The following SLC1A2 variants were observed in gnomAD, a reference collection of about 807,000 sequenced individuals.
SLC1A2 encodes the protein solute carrier family 1 member 2.
SLC1A2 carries 15 observed loss-of-function variants against 48.8 expected under a neutral mutation model. The observed-to-expected ratio is 0.31, with a 90% CI of 0.21 to 0.47. The LOEUF (loss-of-function observed/expected upper bound fraction) is 0.47. Ranked by LOEUF, SLC1A2 falls within the 20% of genes least tolerant of loss-of-function variation. The pLI, the probability that SLC1A2 is intolerant of heterozygous loss-of-function variation, is 0.99. For missense variants in SLC1A2, 502 were observed against 730.5 expected, an observed-to-expected ratio of 0.69 and a Z score of 3.61; for synonymous variants, 279 against 272.6, an observed-to-expected ratio of 1.02 and a Z score of -0.23.
intron 1 of SLC1A2, among the ~76,000 whole-genome samples, chr11:35,372,868 C>A (rs1854102624): frequency 6.6e-6 from 1 of 152,084 alleles, no homozygotes; most frequent in Admixed American, 6.5e-5. Flanking sequence ...TCATTTAATC[C>A]TTAAAATAAG....
intron 1 of SLC1A2, among the ~76,000 whole-genome samples, chr11:35,384,457 T>C (rs1467035486): frequency 1.3e-5 from 2 of 152,192 alleles, no homozygotes; most frequent in African/African-American, 4.8e-5. Flanking sequence ...TACTCCTTCT[T>C]GAATAAGGAA....
chr11:35,276,184 A>C (rs1850433655), intron 9 of SLC1A2, among the ~76,000 whole-genome samples: 1 of 152,134 alleles, frequency 6.6e-6, no homozygotes, highest in Non-Finnish European at 1.5e-5. Flanking sequence ...CTGATATGTT[A>C]TTGCCCCATT....
At chr11:35,350,195 A>G (rs990291598) in intron 1 of SLC1A2, among the ~76,000 whole-genome samples, 3 of 152,222 alleles carry the variant, frequency 2.0e-5, no homozygotes, top group African/African-American at 7.2e-5. Flanking sequence ...AACTTAAACA[A>G]CAAGAAGACA....
At chr11:35,404,534 A>T (rs1187967333) in intron 1 of SLC1A2, 1 of 152,238 alleles carries the variant, frequency 6.6e-6, no homozygotes, top group Non-Finnish European at 1.5e-5. Context: ...CTTGGAATGT[A>T]AACAAAGTGG....
intron 1 of SLC1A2, chr11:35,371,054 A>G (rs1885345): frequency 0.76 from 752,861 of 984,178 alleles, 289,514 homozygotes; most frequent in East Asian, 0.95. Flanking sequence ...TTGCAGAGAC[A>G]ATGGGTGGAG....
intron 9 of SLC1A2, among the ~76,000 whole-genome samples, chr11:35,279,928 A>C (rs1328273692): frequency 6.6e-6 from 1 of 152,182 alleles, no homozygotes; most frequent in African/African-American, 2.4e-5. Flanking sequence ...GCCTCTCTCT[A>C]TCACTATGCT....
intron 1 of SLC1A2, among the ~76,000 whole-genome samples, chr11:35,364,946 T>A (rs1288436981): frequency 6.6e-6 from 1 of 152,176 alleles, no homozygotes; most frequent in African/African-American, 2.4e-5. Context: ...AAGAAGTCCA[T>A]ACCTGGTGGA....
At chr11:35,286,562 CA>C (rs1235164846) in intron 8 of SLC1A2, 194 bp downstream of exon 8, 4 of 456,368 alleles carry the variant, frequency 8.8e-6, no homozygotes, top group African/African-American at 2.0e-5. Flanking sequence ...GCAATACAAA[CA>C]GGAGGTATTA....
upstream of SLC1A2, chr11:35,419,713 C>G (rs1451733859): frequency 5.7e-6 from 1 of 174,726 alleles, no homozygotes; most frequent in African/African-American, 2.4e-5. The surrounding 1 kb of genome is among the most constrained non-coding windows in gnomAD (Gnocchi z 5.4). Context: ...CTTGGGCAGC[C>G]GGTGGCAGGA....
At chr11:35,265,307 A>C in intron 10 of SLC1A2, 1 of 557,210 alleles carries the variant, frequency 1.8e-6, no homozygotes, top group South Asian at 2.6e-5. Context: ...GGACGAAATA[A>C]GCAACTGATT....
intron 1 of SLC1A2, among the ~76,000 whole-genome samples, chr11:35,324,903 A>T (rs941290787): frequency 6.6e-6 from 1 of 152,196 alleles, no homozygotes; most frequent in Admixed American, 6.5e-5. Context: ...CCAGGGCCCA[A>T]TGAGAGACTG....
chr11:35,369,787 G>A (rs1477116456), intron 1 of SLC1A2, among the ~76,000 whole-genome samples: 6 of 152,226 alleles, frequency 3.9e-5, no homozygotes, highest in Admixed American at 2.6e-4. Context: ...AGATGACAAG[G>A]TGTATGTATT....
In SLC1A2 at chr11:35,251,630, G is replaced by A. The variant is rs1462516523; in HGVS notation, c.*9264C>T. On this transcript the variant is annotated 3_prime_UTR_variant, in exon 11 of 11. Transcript: ENST00000278379. ...ATTTTCAAAGAGAATCCTGCATAAA[G>A]CCCAGTTTTATTTCAGGAAGTATTC... 1 of 152,478 alleles carries A rather than the reference G, an allele frequency of 6.6e-6. No individual in the cohort carries two copies. Among genetic ancestry groups the A allele is most frequent in the African/African-American group, 2.4e-5 (1 of 41,432 alleles). The allele number at this position is 152,478 out of a possible 1,614,324, so 9.4% of individuals were successfully genotyped here. A position where few individuals can be genotyped will look rare whatever the true frequency, so the allele number is the denominator to read the frequency against.
At chr11:35,418,177 C>T (rs1398172583) in intron 1 of SLC1A2, among the ~76,000 whole-genome samples, 1 of 152,208 alleles carries the variant, frequency 6.6e-6, no homozygotes. Flanking sequence ...GCAGCCCCTT[C>T]TGTCTCTTGC....
intron 1 of SLC1A2, among the ~76,000 whole-genome samples, chr11:35,415,493 C>T (rs1855578256): frequency 6.6e-6 from 1 of 152,210 alleles, no homozygotes; most frequent in South Asian, 2.1e-4. Flanking sequence ...CTGAGGCATG[C>T]AACCTGCAAA....
rs1317054741 is a variant in SLC1A2, at chr11:35,312,437, G to A, written c.322C>T (p.Leu108=). ...ISSLITGLSG[L]DAKASGRLGT... ...AAGCGGCCACTAGCCTTAGCATCCA[G>A]GCCTGACAACCCTGGATTGAAAAGA... is the stretch of plus-strand genomic sequence containing the variant. The change falls in exon 4 of 11, where the codon CTG becomes TTG. Residue 108 remains leucine, a synonymous_variant. Coordinates refer to ENST00000278379, the MANE Select transcript of SLC1A2 (RefSeq NM_004171.4). 1.2e-6 allele frequency: 2 copies of A among 1,614,144 alleles called. No homozygotes were observed. Among genetic ancestry groups the A allele is most frequent in the Non-Finnish European group, 1.7e-6 (2 of 1,179,996 alleles).
At chr11:35,351,773 C>T (rs1853263672) in intron 1 of SLC1A2, among the ~76,000 whole-genome samples, 2 of 152,110 alleles carry the variant, frequency 1.3e-5, no homozygotes, top group African/African-American at 4.8e-5. Flanking sequence ...GTAGCTGGGA[C>T]TACAGGTGCA....
chr11:35,315,639 C>T (rs1260747337), intron 2 of SLC1A2: 1 of 155,296 alleles, frequency 6.4e-6, no homozygotes, highest in Non-Finnish European at 1.4e-5. Flanking sequence ...ACTAAAAATA[C>T]AAAAATTTAG....
Position 35,320,668 on chromosome 11 carries a change from C to G in SLC1A2, c.18-3152G>C, listed in dbSNP as rs555952567. On this transcript the variant is annotated intron_variant, in intron 1 of 10. Coordinates refer to ENST00000278379, the MANE Select transcript of SLC1A2 (RefSeq NM_004171.4). ...GAATTGAAAAGCAGCTCTAAAAGGGCCCCTTGCTTGCCCCTGGGAATAAGG... is the reference window on the plus strand; with the variant it reads ...GAATTGAAAAGCAGCTCTAAAAGGGGCCCTTGCTTGCCCCTGGGAATAAGG... Among the ~76,000 whole-genome samples, 9 of 152,334 alleles carry G rather than the reference C, an allele frequency of 5.9e-5. No homozygotes were observed. In the South Asian group the frequency reaches 1.7e-3, roughly 28 times the overall value.
Sources: gnomAD v4.1 joint callset for allele counts (sites outside exome capture counted in the v4.1 genomes callset) on GRCh38, gnomAD v4.1.1 for gene constraint, Gnocchi (gnomAD v3.1) non-coding constraint, MANE v1.5 for transcripts, NCBI Gene and HGNC (gene_info 2026-07-23, HGNC 2026-07-21) for gene names.